Variants in SF3B3 observed in about 807,000 individuals in gnomAD.
The protein encoded by SF3B3 is SAP 130.
Under a neutral mutation model 139.2 loss-of-function variants are expected in SF3B3, and 33 were observed. That is an observed-to-expected ratio of 0.24 (90% confidence interval 0.18 to 0.32). The LOEUF (loss-of-function observed/expected upper bound fraction) is 0.32. SF3B3 is among the 10% of genes least tolerant of loss of function. The pLI, the probability that SF3B3 is intolerant of heterozygous loss-of-function variation, is 1.00. For missense variants in SF3B3, 818 were observed against 1,509.4 expected, an observed-to-expected ratio of 0.54 and a Z score of 7.59; for synonymous variants, 596 against 563.6, an observed-to-expected ratio of 1.06 and a Z score of -0.81.
rs757811305 is a variant in SF3B3, at chr16:70,565,471, G to A, written c.2773G>A (p.Val925Ile). Reference sequence around the variant, plus strand: ...CCCCCGATCTGTGGCAGGGGGCTTCGTCTATACTTACAAGCTTGTGAACAA... The same window carrying A: ...CCCCCGATCTGTGGCAGGGGGCTTCATCTATACTTACAAGCTTGTGAACAA... ...LNPRSVAGGFVYTYKLVNNGE... is the reference protein window; with the variant it reads ...LNPRSVAGGFIYTYKLVNNGE... Residue 925 changes from valine to isoleucine, a missense_variant, in exon 20 of 26, where the codon GTC becomes ATC. Val to Ile is a conservative substitution (Grantham distance 29, BLOSUM62 3). Around this residue, in one of 14 missense-constraint regions of SF3B3, gnomAD observed 145 missense variants for 153.6 expected, o/e 0.94. Coordinates refer to ENST00000302516, the MANE Select transcript of SF3B3 (RefSeq NM_012426.5). The A allele has an allele frequency of 1.8e-5, 29 of 1,614,030 alleles. No individual in the cohort carries two copies. The highest frequency in any genetic ancestry group is 6.7e-5 in the East Asian group (3 of 44,892).
intron 5 of SF3B3, among the ~76,000 whole-genome samples, chr16:70,533,843 A>C (rs1243417145): frequency 6.6e-6 from 1 of 152,230 alleles, no homozygotes; most frequent in Non-Finnish European, 1.5e-5. Flanking sequence ...TTGATCACAC[A>C]TCTCATTACT....
chr16:70,525,498 T>G (rs766343268), intron 1 of SF3B3, among the ~76,000 whole-genome samples: 8 of 138,534 alleles, frequency 5.8e-5, no homozygotes, highest in Non-Finnish European at 1.3e-4. Flanking sequence ...GAAAGTAGAC[T>G]GTTTTGATCA....
chr16:70,559,929 T>C (rs78540045), intron 15 of SF3B3, among the ~76,000 whole-genome samples: 3 of 137,490 alleles, frequency 2.2e-5, no homozygotes, highest in Non-Finnish European at 4.7e-5. Flanking sequence ...TGCGGGGGGG[T>C]GGTAAATTGA....
chr16:70,533,706 C>G (rs1250246391), intron 5 of SF3B3, among the ~76,000 whole-genome samples: 2 of 152,172 alleles, frequency 1.3e-5, no homozygotes, highest in African/African-American at 4.8e-5. Flanking sequence ...GAAAACTGAT[C>G]TAGTTCTATT....
intron 2 of SF3B3, chr16:70,526,999 A>G: frequency 2.0e-6 from 1 of 500,972 alleles, no homozygotes; most frequent in East Asian, 3.6e-5. Context: ...TATTGCTGTA[A>G]GACATACTGA....
chr16:70,570,255 T>C (rs1187605179), intron 24 of SF3B3, 106 bp downstream of exon 24: 2 of 1,131,750 alleles, frequency 1.8e-6, no homozygotes, highest in Non-Finnish European at 2.5e-6. Flanking sequence ...ATTAATAATG[T>C]TCTGGGAATT....
chr16:70,525,287 A>G (rs776365922), intron 1 of SF3B3, among the ~76,000 whole-genome samples: 23 of 152,060 alleles, frequency 1.5e-4, no homozygotes, highest in Non-Finnish European at 2.5e-4. Flanking sequence ...TCGGCCTCCC[A>G]AAGTGCTGGG....
chr16:70,535,551 C>T (rs891505929), intron 6 of SF3B3, 131 bp downstream of exon 6: 16 of 441,744 alleles, frequency 3.6e-5, no homozygotes, highest in South Asian at 5.8e-5. Context: ...GGGGCAGGGA[C>T]GTAAATGTTG....
At position 70,576,684 on chromosome 16, in the gene SF3B3, C is replaced by T. The variant is rs960234195; in HGVS notation, c.*4871C>T. On this transcript the variant is annotated 3_prime_UTR_variant, in exon 26 of 26. Transcript: ENST00000302516. ...ATGTAACTGGAGAAAGGCAATGCTG[C>T]CCTCATAAAGCAATCAGAAACGAGA... The T allele has an allele frequency of 1.3e-5, 2 of 152,144 alleles. No individual in the cohort carries two copies. Among genetic ancestry groups the T allele is most frequent in the African/African-American group, 4.8e-5 (2 of 41,406 alleles). The allele number at this position is 152,144 out of a possible 1,614,324, so 9.4% of individuals were successfully genotyped here.
At chr16:70,553,699 G>T (rs2050351202) in intron 11 of SF3B3, among the ~76,000 whole-genome samples, 1 of 143,216 alleles carries the variant, frequency 7.0e-6, no homozygotes, top group African/African-American at 2.6e-5. Flanking sequence ...AGAAGAAACT[G>T]AGGGTTTCTG....
chr16:70,555,253 G>A lies in SF3B3; in HGVS notation c.1710+47G>A, dbSNP rs752615882. 6 of 1,509,012 alleles carry A rather than the reference G, an allele frequency of 4.0e-6. No homozygotes were observed. The South Asian group carries it at 6.8e-5, about 17-fold the overall frequency. The allele number at this position is 1,509,012 out of a possible 1,614,324, so 93.5% of individuals were successfully genotyped here. A position where few individuals can be genotyped will look rare whatever the true frequency, so the allele number is the denominator to read the frequency against. ...TGTGGGACTTATTGTAGGGACCAGAGGGAAAGATGGGCATTGTAGTCTAGT... is the reference window on the plus strand; with the variant it reads ...TGTGGGACTTATTGTAGGGACCAGAAGGAAAGATGGGCATTGTAGTCTAGT... On this transcript the variant is annotated intron_variant, in intron 13 of 25. Transcript: ENST00000302516.
intron 23 of SF3B3, 137 bp downstream of exon 23, chr16:70,569,278 TAC>T: frequency 1.7e-6 from 1 of 587,860 alleles, no homozygotes; most frequent in Admixed American, 3.2e-5. Flanking sequence ...AGTCCTTTCT[TAC>T]CAATCTGCAA....
chr16:70,525,786 T>G (rs1019808239), intron 1 of SF3B3, among the ~76,000 whole-genome samples: 9 of 151,458 alleles, frequency 5.9e-5, no homozygotes, highest in Non-Finnish European at 8.8e-5. Context: ...GCTAACATGG[T>G]GAAACCCCAC....
chr16:70,538,648 G>A (rs527556112), intron 7 of SF3B3, among the ~76,000 whole-genome samples, 188 bp downstream of exon 7: 40 of 152,270 alleles, frequency 2.6e-4, no homozygotes, highest in African/African-American at 9.4e-4. Context: ...ATATAAGAGC[G>A]GCAATGCCAC....
intron 20 of SF3B3, chr16:70,565,774 GTT>G: frequency 2.5e-6 from 1 of 403,384 alleles, no homozygotes; most frequent in Non-Finnish European, 4.5e-6. Flanking sequence ...CTTTCTTACT[GTT>G]TTAATAAGCA....
In SF3B3 at chr16:70,575,568, A is replaced by T. The variant is rs2050572691; in HGVS notation, c.*3755A>T. ...AGGCTGCTACGCTCATTTCTTCCAC[A>T]AACGTTTACTGGGCACCTACCATGA... is the stretch of plus-strand genomic sequence containing the variant. On this transcript the variant is annotated 3_prime_UTR_variant, in exon 26 of 26. Coordinates refer to ENST00000302516, the MANE Select transcript of SF3B3 (RefSeq NM_012426.5). The T allele has an allele frequency of 6.6e-6, 1 of 152,144 alleles. No individual in the cohort carries two copies. The highest frequency in any genetic ancestry group is 6.6e-5 in the Admixed American group (1 of 15,250). The allele number at this position is 152,144 out of a possible 1,614,324, so 9.4% of individuals were successfully genotyped here.
At chr16:70,548,328 T>C (rs980431983) in intron 10 of SF3B3, 42 bp from the exon 11 acceptor site, 27 of 1,525,564 alleles carry the variant, frequency 1.8e-5, no homozygotes, top group Non-Finnish European at 2.5e-5. Context: ...GTAGCTGAGT[T>C]GCATGCTCAC....
intron 12 of SF3B3, 68 bp downstream of exon 12, chr16:70,554,665 C>G (rs2050362728): frequency 2.0e-6 from 3 of 1,519,348 alleles, no homozygotes. Flanking sequence ...GTGATGCAGG[C>G]TGCTGTGTTC....
At chr16:70,544,712 A>G (rs2050251806) in intron 10 of SF3B3, among the ~76,000 whole-genome samples, 179 bp downstream of exon 10, 1 of 152,214 alleles carries the variant, frequency 6.6e-6, no homozygotes, top group Admixed American at 6.5e-5. Flanking sequence ...TGTCTCCAAA[A>G]CAGGGTCTCA....
Sources: gnomAD v4.1 joint callset for allele counts (sites outside exome capture counted in the v4.1 genomes callset) on GRCh38, gnomAD v4.1.1 for gene constraint, gnomAD v4.1.1 regional missense constraint, MANE v1.5 for transcripts, NCBI Gene and HGNC (gene_info 2026-07-23, HGNC 2026-07-21) for gene names.